Variants in WWOX observed in about 807,000 individuals in gnomAD.
WWOX encodes the protein WW domain containing oxidoreductase, also known as WW domain-containing oxidoreductase.
WWOX carries 69 observed loss-of-function variants against 46.2 expected under a neutral mutation model. That is an observed-to-expected ratio of 1.49 (90% confidence interval 1.23 to 1.82). The LOEUF is 1.82. Ranked by LOEUF, WWOX falls within the 40% of genes most tolerant of loss-of-function variation. The probability of loss-of-function intolerance (pLI) is 0.00; values close to 1 mark genes in which losing one functional copy is unlikely to be tolerated. For synonymous variants in WWOX, 359 were observed against 202.6 expected, an observed-to-expected ratio of 1.77 and a Z score of -6.56; for missense variants, 919 against 542.6, an observed-to-expected ratio of 1.69 and a Z score of -6.89.
chr16:78,407,794 C>T (rs1368184874), intron 6 of WWOX, among the ~76,000 whole-genome samples: 1 of 152,184 alleles, frequency 6.6e-6, no homozygotes, highest in Non-Finnish European at 1.5e-5. Flanking sequence ...CAAACGTATC[C>T]ATCCAGATAC....
intron 6 of WWOX, among the ~76,000 whole-genome samples, chr16:78,415,245 G>T (rs1212430430): frequency 6.6e-6 from 1 of 152,006 alleles, no homozygotes; most frequent in Non-Finnish European, 1.5e-5. Context: ...TGTTGCCATG[G>T]CATGTGTACA....
chr16:78,428,982 T>A (rs1229995788), intron 7 of WWOX, among the ~76,000 whole-genome samples: 1 of 152,242 alleles, frequency 6.6e-6, no homozygotes, highest in Non-Finnish European at 1.5e-5. Flanking sequence ...TGTCAAATTC[T>A]CATCATGGGA....
chr16:79,055,739 A>G (rs1320275603), intron 8 of WWOX, among the ~76,000 whole-genome samples: 1 of 152,198 alleles, frequency 6.6e-6, no homozygotes, highest in Non-Finnish European at 1.5e-5. Context: ...TTTCTATGTG[A>G]CCTATGGAAT....
At chr16:78,911,711 C>A (rs1281430096) in intron 8 of WWOX, among the ~76,000 whole-genome samples, 1 of 151,920 alleles carries the variant, frequency 6.6e-6, no homozygotes, top group African/African-American at 2.4e-5. Context: ...ACTAAAAGTA[C>A]AAAAATTAGC....
intron 8 of WWOX, among the ~76,000 whole-genome samples, chr16:79,113,888 T>G (rs981909606): frequency 6.6e-6 from 1 of 152,110 alleles, no homozygotes; most frequent in African/African-American, 2.4e-5. Context: ...GGTCTCTCAG[T>G]GTGTGGAAGG....
intron 8 of WWOX, among the ~76,000 whole-genome samples, chr16:78,813,710 A>T (rs1401635174): frequency 6.6e-6 from 1 of 152,038 alleles, no homozygotes; most frequent in Non-Finnish European, 1.5e-5. Context: ...GTTTTCTACT[A>T]CCTGATACTT....
intron 8 of WWOX, among the ~76,000 whole-genome samples, chr16:79,024,505 C>CTTGGT (rs2047598211): frequency 6.6e-6 from 1 of 152,076 alleles, no homozygotes; most frequent in African/African-American, 2.4e-5. Context: ...GCTATCTCAG[C>CTTGGT]TCACTGCAAG....
intron 5 of WWOX, among the ~76,000 whole-genome samples, chr16:78,278,931 A>C (rs1397019515): frequency 2.6e-5 from 4 of 152,086 alleles, no homozygotes; most frequent in Admixed American, 2.6e-4. Flanking sequence ...TTCTGTGTAC[A>C]TAAGTGTGTG....
chr16:78,856,367 G>T (rs2151185909), intron 8 of WWOX, among the ~76,000 whole-genome samples: 1 of 152,310 alleles, frequency 6.6e-6, no homozygotes, highest in East Asian at 1.9e-4. Context: ...ATCTAGCCTG[G>T]CACAGTGGCT....
At chr16:78,678,950 G>A (rs1052943992) in intron 8 of WWOX, among the ~76,000 whole-genome samples, 1 of 152,098 alleles carries the variant, frequency 6.6e-6, no homozygotes, top group South Asian at 2.1e-4. Flanking sequence ...CCTGGCATAC[G>A]GCATCAGTTC....
intron 8 of WWOX, among the ~76,000 whole-genome samples, chr16:78,888,344 G>C (rs1000543084): frequency 6.6e-6 from 1 of 152,174 alleles, no homozygotes; most frequent in Non-Finnish European, 1.5e-5. Flanking sequence ...TCTCAGAACT[G>C]AAATCCCAGG....
chr16:78,203,854 T>C (rs2036309843), intron 5 of WWOX, among the ~76,000 whole-genome samples: 1 of 152,220 alleles, frequency 6.6e-6, no homozygotes, highest in Admixed American at 6.5e-5. Context: ...TATGATTACA[T>C]AAAGGAGACC....
chr16:78,914,981 C>T (rs748385228), intron 8 of WWOX, among the ~76,000 whole-genome samples: 3 of 151,088 alleles, frequency 2.0e-5, no homozygotes, highest in Admixed American at 6.6e-5. Context: ...ATTCCAGGGT[C>T]ATGTATTAGG....
intron 6 of WWOX, among the ~76,000 whole-genome samples, chr16:78,407,609 C>T (rs984749841): frequency 6.6e-6 from 1 of 152,150 alleles, no homozygotes; most frequent in Non-Finnish European, 1.5e-5. Context: ...TGATATGTCT[C>T]ATTCTTGGGT....
intron 8 of WWOX, among the ~76,000 whole-genome samples, chr16:78,768,326 A>G (rs2049977315): frequency 6.8e-6 from 1 of 146,546 alleles, no homozygotes; most frequent in Non-Finnish European, 1.5e-5. Flanking sequence ...GCAGTGGCTC[A>G]TGCATGTACT....
intron 5 of WWOX, among the ~76,000 whole-genome samples, chr16:78,363,288 T>C (rs1300023699): frequency 1.3e-5 from 2 of 151,892 alleles, no homozygotes; most frequent in South Asian, 2.1e-4. Context: ...GAGGGCTTTT[T>C]TTTTTGACGG....
chr16:78,339,883 T>C (rs1329230192), intron 5 of WWOX, among the ~76,000 whole-genome samples: 1 of 115,362 alleles, frequency 8.7e-6, no homozygotes, highest in Non-Finnish European at 2.0e-5. Flanking sequence ...TAGGAGACTG[T>C]TCCCTTTCAA....
intron 8 of WWOX, among the ~76,000 whole-genome samples, chr16:78,494,951 C>T (rs5019442): frequency 0.74 from 112,500 of 151,656 alleles, 44,090 homozygotes; most frequent in Admixed American, 0.86. Context: ...TGCAACCCAG[C>T]TCACCGCCAT....
At chr16:78,874,107 AT>A (rs1280850942) in intron 8 of WWOX, among the ~76,000 whole-genome samples, 1 of 151,476 alleles carries the variant, frequency 6.6e-6, no homozygotes, top group African/African-American at 2.4e-5. Flanking sequence ...TAAAAAAAAA[AT>A]AGCTGGGCAT....
Sources: gnomAD v4.1 joint callset for allele counts (sites outside exome capture counted in the v4.1 genomes callset) on GRCh38, gnomAD v4.1.1 for gene constraint, MANE v1.5 for transcripts, NCBI Gene and HGNC (gene_info 2026-07-23, HGNC 2026-07-21) for gene names.